The following SPMIP2 variants were observed in gnomAD, a reference collection of about 807,000 sequenced individuals.
SPMIP2 encodes the protein protein SPMIP2.
the SPMIP2 span, among the ~76,000 whole-genome samples, chr4:159,005,691 C>T: frequency 1.9e-3 from 292 of 152,232 alleles, 1 homozygote; most frequent in Middle Eastern, 0.01. Flanking sequence ...TAATAACTTT[C>T]AATATTGATT....
the SPMIP2 span, among the ~76,000 whole-genome samples, chr4:158,940,622 G>T: frequency 3.0e-5 from 4 of 133,400 alleles, no homozygotes; most frequent in Admixed American, 7.7e-5. Flanking sequence ...TTTTCTATTT[G>T]GTTATGCACT....
the SPMIP2 span, among the ~76,000 whole-genome samples, chr4:158,901,581 GT>G: frequency 2.0e-5 from 3 of 152,038 alleles, no homozygotes; most frequent in African/African-American, 4.8e-5. Context: ...CCTGAAGTGT[GT>G]TTTCCAACTT....
At chr4:159,082,117 A>G in the SPMIP2 span, among the ~76,000 whole-genome samples, 6 of 150,724 alleles carry the variant, frequency 4.0e-5, no homozygotes, top group African/African-American at 1.2e-4. Context: ...CAGGAATTTG[A>G]GACCAGCCCG....
the SPMIP2 span, among the ~76,000 whole-genome samples, chr4:159,052,009 G>A: frequency 6.0e-4 from 91 of 151,634 alleles, no homozygotes; most frequent in Admixed American, 9.8e-4. Context: ...CTGGAATTCT[G>A]GATGCTAAAA....
the SPMIP2 span, among the ~76,000 whole-genome samples, chr4:159,073,502 C>G: frequency 6.6e-6 from 1 of 152,100 alleles, no homozygotes; most frequent in Non-Finnish European, 1.5e-5. Context: ...CATTCAGGCT[C>G]TCTTTGACCA....
At chr4:159,026,235 C>A in the SPMIP2 span, 2 of 501,038 alleles carry the variant, frequency 4.0e-6, no homozygotes, top group Non-Finnish European at 7.7e-6. Flanking sequence ...GCACAATGGC[C>A]AAGCCAGAGT....
the SPMIP2 span, among the ~76,000 whole-genome samples, chr4:158,996,432 A>G: frequency 6.6e-6 from 1 of 152,232 alleles, no homozygotes; most frequent in Non-Finnish European, 1.5e-5. Context: ...AGAAATGCTC[A>G]CCATTCACAT....
the SPMIP2 span, among the ~76,000 whole-genome samples, chr4:159,015,471 A>C: frequency 0.014 from 2,162 of 152,340 alleles, 46 homozygotes; most frequent in African/African-American, 0.049. Context: ...TAGAAATAAA[A>C]TTTAATTCAA....
chr4:159,001,419 T>C, the SPMIP2 span, among the ~76,000 whole-genome samples: 2 of 152,168 alleles, frequency 1.3e-5, no homozygotes, highest in Non-Finnish European at 2.9e-5. Flanking sequence ...GGTAAACTCA[T>C]GTCATGGGGG....
At chr4:158,907,728 GGA>G in the SPMIP2 span, 3 of 152,158 alleles carry the variant, frequency 2.0e-5, no homozygotes, top group Non-Finnish European at 2.9e-5. Context: ...TGTGCTTGGG[GGA>G]GAGGGTATTT....
the SPMIP2 span, among the ~76,000 whole-genome samples, chr4:159,052,955 A>ATTTTTTTTTT: frequency 1.5e-5 from 2 of 132,062 alleles, no homozygotes; most frequent in Non-Finnish European, 1.6e-5. Context: ...TATTATTATT[A>ATTTTTTTTTT]TTTTTTTTTT....
At chr4:159,074,836 G>A in the SPMIP2 span, among the ~76,000 whole-genome samples, 1 of 152,152 alleles carries the variant, frequency 6.6e-6, no homozygotes, top group Non-Finnish European at 1.5e-5. Flanking sequence ...GAGGTAAGAT[G>A]GGACACTCAC....
chr4:158,907,822 G>C, the SPMIP2 span: 1 of 152,140 alleles, frequency 6.6e-6, no homozygotes, highest in African/African-American at 2.4e-5. Flanking sequence ...GATATATCTT[G>C]AAAGTGAGAT....
the SPMIP2 span, among the ~76,000 whole-genome samples, chr4:158,926,500 ATTT>A: frequency 2.5e-4 from 38 of 152,150 alleles, 1 homozygote; most frequent in East Asian, 7.3e-3. Flanking sequence ...TTTAAATTTA[ATTT>A]TTATTATGGC....
the SPMIP2 span, among the ~76,000 whole-genome samples, chr4:159,050,342 A>ATT: frequency 6.6e-6 from 1 of 150,750 alleles, no homozygotes; most frequent in South Asian, 2.1e-4. Flanking sequence ...GTGTGATAGC[A>ATT]TTTTTAATAA....
chr4:158,979,011 G>A, the SPMIP2 span, among the ~76,000 whole-genome samples: 1 of 152,170 alleles, frequency 6.6e-6, no homozygotes, highest in East Asian at 1.9e-4. Context: ...GGAGATAGGA[G>A]TTTTATCTAT....
chr4:158,964,892 C>T, the SPMIP2 span, among the ~76,000 whole-genome samples: 1 of 152,290 alleles, frequency 6.6e-6, no homozygotes, highest in Non-Finnish European at 1.5e-5. Context: ...AACTCACCAA[C>T]AGGAGAACAT....
At chr4:159,035,602 A>C in the SPMIP2 span, among the ~76,000 whole-genome samples, 1 of 152,206 alleles carries the variant, frequency 6.6e-6, no homozygotes, top group Non-Finnish European at 1.5e-5. Context: ...AATTACACAC[A>C]CACAAATATA....
the SPMIP2 span, among the ~76,000 whole-genome samples, chr4:158,977,836 G>C: frequency 6.6e-6 from 1 of 151,780 alleles, no homozygotes. Context: ...GGATGGTCTC[G>C]ATCTCCTGAC....
Sources: allele counts gnomAD v4.1 joint callset (sites outside exome capture counted in the v4.1 genomes callset), GRCh38; gene constraint gnomAD v4.1.1; transcripts MANE v1.5; gene names NCBI Gene and HGNC (gene_info 2026-07-23, HGNC 2026-07-21).